Variants in TBCE observed in about 807,000 individuals in gnomAD.
TBCE encodes tubulin folding cofactor E.
TBCE carries 53 observed loss-of-function variants against 77.0 expected under a neutral mutation model. The ratio of observed to expected loss-of-function variants is 0.69; its 90% CI spans 0.55 to 0.87. TBCE has a LOEUF of 0.87. Ranked by LOEUF, TBCE falls within the 40% of genes least tolerant of loss-of-function variation. The pLI, the probability that TBCE is intolerant of heterozygous loss-of-function variation, is 0.00. For missense variants in TBCE, 624 were observed against 622.4 expected (o/e 1.00, Z -0.03); for synonymous variants, 235 against 241.3 (o/e 0.97, Z 0.24).
chr1:235,390,376 A>G (rs546186133), intron 2 of TBCE, among the ~76,000 whole-genome samples: 98 of 152,252 alleles, frequency 6.4e-4, no homozygotes, highest in African/African-American at 2.2e-3. Context: ...GATGGAATTA[A>G]GGTTGCTAAT....
intron 3 of TBCE, among the ~76,000 whole-genome samples, chr1:235,404,017 G>A (rs1419182035): frequency 1.3e-5 from 2 of 152,170 alleles, no homozygotes; most frequent in African/African-American, 2.4e-5. Flanking sequence ...GTTGGCTCAC[G>A]CCTGTAATCC....
At chr1:235,382,027 A>G (rs754949705) in intron 2 of TBCE, among the ~76,000 whole-genome samples, 14 of 136,474 alleles carry the variant, frequency 1.0e-4, no homozygotes, top group Non-Finnish European at 2.0e-4. Flanking sequence ...ATGTGTTCTC[A>G]TTGTTCAGTT....
Position 235,438,824 on chromosome 1 carries a change from A to G in TBCE, c.1172A>G (p.Asn391Ser), listed in dbSNP as rs772337546. The G allele has an allele frequency of 6.2e-6, 10 of 1,614,064 alleles. No homozygotes were observed. The highest frequency in any genetic ancestry group is 4.0e-5 in the African/African-American group (3 of 74,932). ...CTTGACTACCGAAAAGCTTTTGGAA[A>G]TGAGTGGAAACAGGCTGGTGGACAT... Reference protein sequence around the residue: ...AELDYRKAFGNEWKQAGGHKD... With the variant: ...AELDYRKAFGSEWKQAGGHKD... Residue 391 changes from asparagine (N) to serine (S), a missense_variant, in exon 13 of 17, where the codon AAT becomes AGT. By Grantham distance (46) the Asn-to-Ser change is conservative. Transcript: ENST00000642610.
At chr1:235,446,854 T>C (rs1220339763) in intron 15 of TBCE, among the ~76,000 whole-genome samples, 1 of 152,040 alleles carries the variant, frequency 6.6e-6, no homozygotes, top group Non-Finnish European at 1.5e-5. Context: ...TTGGCTAATT[T>C]TTTATTTTTT....
Position 235,441,818 on chromosome 1 carries a change from T to G in TBCE, c.1275T>G (p.Tyr425Ter), listed in dbSNP as rs1165672765. The change falls in exon 14 of 17, where the codon TAT becomes TAG. Residue 425 changes from tyrosine to a stop codon, truncating the protein, a stop_gained. Coordinates refer to ENST00000642610, the MANE Select transcript of TBCE (RefSeq NM_003193.5). LOFTEE classifies it high-confidence loss of function. ...HPRYQFLCLK[Y>*]GAPEDWELKT... ...CTCTTTTGCTTTCTTAAACAGAATA[T>G]GGTGCACCTGAAGATTGGGAACTCA... 1 of 1,614,014 alleles carries G rather than the reference T, an allele frequency of 6.2e-7. No individual in the cohort carries two copies. The highest frequency in any genetic ancestry group is 8.5e-7 in the Non-Finnish European group (1 of 1,179,940).
At position 235,438,985 on chromosome 1, in the gene TBCE, T is replaced by C. The variant is rs747624663; in HGVS notation, c.1270+63T>C. 760 of 1,610,894 alleles carry C rather than the reference T, an allele frequency of 4.7e-4. No homozygotes were observed. The highest frequency in any genetic ancestry group is 6.1e-4 in the Non-Finnish European group (715 of 1,177,644). ...TTTCCAGCTGGAACAAAGTTTTTTCTTGGGTATCAAAAGAGGTTCTCAGTG... is the reference window on the plus strand; with the variant it reads ...TTTCCAGCTGGAACAAAGTTTTTTCCTGGGTATCAAAAGAGGTTCTCAGTG... On this transcript the variant is annotated intron_variant, in intron 13 of 16. Coordinates refer to ENST00000642610, the MANE Select transcript of TBCE (RefSeq NM_003193.5).
intron 1 of TBCE, among the ~76,000 whole-genome samples, chr1:235,369,548 G>T (rs1472533201): frequency 6.6e-6 from 1 of 151,584 alleles, no homozygotes; most frequent in Non-Finnish European, 1.5e-5. Flanking sequence ...CTGGCTGGGC[G>T]CAGTGGCTCA....
At chr1:235,370,356 C>G (rs560751301) in intron 1 of TBCE, among the ~76,000 whole-genome samples, 16 of 150,688 alleles carry the variant, frequency 1.1e-4, no homozygotes, top group Admixed American at 4.7e-4. Context: ...TGGGTTCAAG[C>G]AATTCTCTGC....
At chr1:235,395,464 T>C (rs1678664281) in intron 2 of TBCE, among the ~76,000 whole-genome samples, 1 of 152,106 alleles carries the variant, frequency 6.6e-6, no homozygotes, top group African/African-American at 2.4e-5. Flanking sequence ...GCTATCTGTA[T>C]TTTTGTGCCC....
intron 3 of TBCE, among the ~76,000 whole-genome samples, chr1:235,405,143 A>C (rs970304350): frequency 6.6e-6 from 1 of 151,342 alleles, no homozygotes; most frequent in Non-Finnish European, 1.5e-5. Context: ...TTGTATTTTT[A>C]GTGGAGACGG....
At chr1:235,436,228 A>G in intron 9 of TBCE, 158 bp from the exon 10 acceptor site, 1 of 689,280 alleles carries the variant, frequency 1.5e-6, no homozygotes, top group Non-Finnish European at 2.6e-6. Context: ...TAAAGAGTTC[A>G]CTTTGCATGT....
At chr1:235,437,116 A>G in intron 11 of TBCE, among the ~76,000 whole-genome samples, 1 of 152,096 alleles carries the variant, frequency 6.6e-6, no homozygotes, top group East Asian at 1.9e-4. Context: ...GAAACGAGCG[A>G]AACTCCATCT....
chr1:235,370,973 CT>C (rs965137239), intron 1 of TBCE, among the ~76,000 whole-genome samples: 3 of 144,154 alleles, frequency 2.1e-5, no homozygotes, highest in African/African-American at 7.7e-5. Context: ...AACTCCTGAC[CT>C]CATGATCCGC....
At chr1:235,422,923 T>G (rs1218947356) in intron 5 of TBCE, among the ~76,000 whole-genome samples, 1 of 152,220 alleles carries the variant, frequency 6.6e-6, no homozygotes, top group Non-Finnish European at 1.5e-5. Context: ...AATCAGCATG[T>G]TGTTTGTTTA....
chr1:235,430,967 C>T (rs958951846), intron 7 of TBCE, among the ~76,000 whole-genome samples, 163 bp downstream of exon 7: 4 of 152,132 alleles, frequency 2.6e-5, no homozygotes, highest in South Asian at 2.1e-4. Context: ...CTTATAAAAA[C>T]GAGTTAAAAG....
chr1:235,377,522 G>A (rs535657662), intron 1 of TBCE, among the ~76,000 whole-genome samples: 9 of 152,186 alleles, frequency 5.9e-5, no homozygotes, highest in Admixed American at 5.2e-4. Flanking sequence ...CTGATTGAGA[G>A]GACCTTATGC....
At chr1:235,383,511 C>T (rs1677811897) in intron 2 of TBCE, among the ~76,000 whole-genome samples, 1 of 152,210 alleles carries the variant, frequency 6.6e-6, no homozygotes, top group Non-Finnish European at 1.5e-5. Flanking sequence ...GTTTGTAGTT[C>T]TCCTTGAAGA....
At chr1:235,425,646 A>AGGCCCTTTGTGATGTGGCCT (rs1445270475) in intron 5 of TBCE, among the ~76,000 whole-genome samples, 27 of 152,298 alleles carry the variant, frequency 1.8e-4, no homozygotes, top group Non-Finnish European at 8.8e-5. Context: ...GTGGCCTGCA[A>AGGCCCTTTGTGATGTGGCCT]GGCCCTTTGT....
chr1:235,440,311 G>A (rs561983153), intron 13 of TBCE, among the ~76,000 whole-genome samples: 45 of 151,894 alleles, frequency 3.0e-4, no homozygotes, highest in African/African-American at 1.0e-3. Flanking sequence ...TCTTGCATAT[G>A]TCCACCAGGT....
Sources: gnomAD v4.1 joint callset for allele counts (sites outside exome capture counted in the v4.1 genomes callset) on GRCh38, gnomAD v4.1.1 for gene constraint, MANE v1.5 for transcripts, NCBI Gene and HGNC (gene_info 2026-07-23, HGNC 2026-07-21) for gene names.